Variants in KIF13A observed in about 807,000 individuals in gnomAD.
KIF13A encodes the protein kinesin-like protein KIF13A.
In KIF13A, 79 loss-of-function variants were observed where a neutral mutation model predicts 212.2. The ratio of observed to expected loss-of-function variants is 0.37; its 90% CI spans 0.31 to 0.45. The LOEUF (loss-of-function observed/expected upper bound fraction) is 0.45. Among genes scored for constraint, KIF13A ranks in the 20% least tolerant of loss-of-function variants. KIF13A has a pLI of 1.00. For missense variants in KIF13A, 1,901 were observed against 2,209.0 expected (o/e 0.86, Z 2.79); for synonymous variants, 789 against 808.6 (o/e 0.98, Z 0.41).
In KIF13A at chr6:17,951,275, G is replaced by A; in HGVS notation, c.146+35779C>T. 1 of 598,488 alleles carries A rather than the reference G, an allele frequency of 1.7e-6. No individual in the cohort carries two copies. Among genetic ancestry groups the A allele is most frequent in the Non-Finnish European group, 2.8e-6 (1 of 352,270 alleles). The allele number at this position is 598,488 out of a possible 1,614,324, so 37.1% of individuals were successfully genotyped here. A position where few individuals can be genotyped will look rare whatever the true frequency, so the allele number is the denominator to read the frequency against. ...CCTGAGTAGCTGGGACCACAGGTAT[G>A]CGCCACCACGTCCAGCTAATTTTAA... On this transcript the variant is annotated intron_variant, in intron 2 of 38. Coordinates refer to ENST00000259711, the MANE Select transcript of KIF13A (RefSeq NM_022113.6). This position sits in a 1 kb window ranked among gnomAD's most constrained non-coding sequence, Gnocchi z 4.9.
At chr6:17,972,833 GAAAA>G (rs34095609) in intron 2 of KIF13A, among the ~76,000 whole-genome samples, 2 of 113,326 alleles carry the variant, frequency 1.8e-5, no homozygotes, top group Non-Finnish European at 1.8e-5. Context: ...GAGAGAGTGA[GAAAA>G]AAAAAAAAAA....
At chr6:17,770,061 G>A (rs1561949651) in intron 38 of KIF13A, among the ~76,000 whole-genome samples, 1 of 152,154 alleles carries the variant, frequency 6.6e-6, no homozygotes, top group South Asian at 2.1e-4. Flanking sequence ...GCACGCAGGT[G>A]GGTGGCCAAC....
At chr6:17,784,100 G>A in intron 28 of KIF13A, among the ~76,000 whole-genome samples, 1 of 152,208 alleles carries the variant, frequency 6.6e-6, no homozygotes, top group Admixed American at 6.5e-5. Context: ...GTTGTGTACA[G>A]AAGAGACCAA....
Position 17,771,120 on chromosome 6 carries a change from C to T in KIF13A, c.4575G>A (p.Lys1525=), listed in dbSNP as rs777943369. The stretch of plus-strand genomic sequence containing the variant: ...AAATGGTTCCGGAACTTACAATCTT[C>T]TTCTCACGTTTGCTATTGTGTTCTA... ...MPVEHNSKRE[K]KIDSEEEENE... is the part of the protein sequence containing the mutation. Residue 1525 remains lysine, a synonymous_variant, in exon 38 of 39, where the codon AAG becomes AAA. Transcript: ENST00000259711. The surrounding 1 kb of genome is among the most constrained non-coding windows in gnomAD (Gnocchi z 5.4). The T allele has an allele frequency of 2.5e-6, 4 of 1,607,482 alleles. No individual in the cohort carries two copies. Among genetic ancestry groups the T allele is most frequent in the African/African-American group, 1.3e-5 (1 of 74,816 alleles).
At chr6:17,986,543 T>TG (rs1430153317) in intron 2 of KIF13A, among the ~76,000 whole-genome samples, 2 of 152,262 alleles carry the variant, frequency 1.3e-5, no homozygotes, top group Non-Finnish European at 2.9e-5. Flanking sequence ...AGATACTAAC[T>TG]AGTCCAGCCT....
intron 9 of KIF13A, among the ~76,000 whole-genome samples, chr6:17,840,720 T>C (rs1766425356): frequency 6.6e-6 from 1 of 152,012 alleles, no homozygotes; most frequent in African/African-American, 2.4e-5. Context: ...AAAATCCAAA[T>C]AGCGCTTTGA....
intron 20 of KIF13A, among the ~76,000 whole-genome samples, chr6:17,803,329 A>C (rs1001633174): frequency 1.3e-5 from 2 of 151,906 alleles, no homozygotes; most frequent in African/African-American, 4.8e-5. Context: ...CATTTTTCCC[A>C]TGGGAAAAAG....
Position 17,951,423 on chromosome 6 carries a change from G to T in KIF13A, c.146+35631C>A. ...TGGAATTAGAGATGTGAGCCACTGT[G>T]ACCAGCCTCAATTTAAAAAAAAAAA... On this transcript the variant is annotated intron_variant, in intron 2 of 38. Transcript: ENST00000259711. The surrounding 1 kb of genome is among the most constrained non-coding windows in gnomAD (Gnocchi z 4.9). 1.8e-6 allele frequency: 1 copy of T among 557,226 alleles called. No individual in the cohort carries two copies. Among genetic ancestry groups the T allele is most frequent in the South Asian group, 2.3e-5 (1 of 44,010 alleles). The allele number at this position is 557,226 out of a possible 1,614,324, so 34.5% of individuals were successfully genotyped here. A position where few individuals can be genotyped will look rare whatever the true frequency, so the allele number is the denominator to read the frequency against.
intron 38 of KIF13A, among the ~76,000 whole-genome samples, chr6:17,767,783 A>G (rs1264116354): frequency 6.6e-6 from 1 of 152,252 alleles, no homozygotes; most frequent in Non-Finnish European, 1.5e-5. Flanking sequence ...GAGACCAAGG[A>G]AAGGCCTGTT....
At chr6:17,805,737 TA>T (rs1762881850) in intron 18 of KIF13A, 122 bp from the exon 19 acceptor site, 1 of 839,752 alleles carries the variant, frequency 1.2e-6, no homozygotes, top group East Asian at 2.7e-5. Flanking sequence ...CAAAAGAAGA[TA>T]AAATTCTACC....
chr6:17,761,425 C>T (rs1056310693), downstream of KIF13A, among the ~76,000 whole-genome samples: 9 of 151,962 alleles, frequency 5.9e-5, no homozygotes, highest in Admixed American at 2.6e-4. Context: ...CTCCTGTTGC[C>T]CAGGCTGGAA....
At position 17,963,834 on chromosome 6, in the gene KIF13A, C is replaced by T. The variant is rs1421137609; in HGVS notation, c.146+23220G>A. ...CCTCCCAAAGTGTTGGGATTACGGG[C>T]GTGAGCCACCATGCCTGGCCAATAT... On this transcript the variant is annotated intron_variant, in intron 2 of 38. Transcript: ENST00000259711. This position sits in a 1 kb window ranked among gnomAD's most constrained non-coding sequence, Gnocchi z 4.1. 2.0e-5 allele frequency among the ~76,000 whole-genome samples: 3 copies of T among 152,186 alleles called. No homozygotes were observed. The highest frequency in any genetic ancestry group is 7.2e-5 in the African/African-American group (3 of 41,436).
rs868351550 is a variant in KIF13A, at chr6:17,785,007, T to C, written c.3488+508A>G. On this transcript the variant is annotated intron_variant, in intron 28 of 38. Coordinates refer to ENST00000259711, the MANE Select transcript of KIF13A (RefSeq NM_022113.6). The surrounding 1 kb of genome is among the most constrained non-coding windows in gnomAD (Gnocchi z 5.8). ...TGATTTCTCTTAAATGCCCTGGATA[T>C]GTTATAATAAAAATGAGAATGAGAA... Among the ~76,000 whole-genome samples the C allele has an allele frequency of 2.0e-5, 3 of 152,302 alleles. No homozygotes were observed. The highest frequency in any genetic ancestry group is 4.1e-4 in the South Asian group (2 of 4,832).
At chr6:17,894,692 T>A (rs1772403597) in intron 3 of KIF13A, among the ~76,000 whole-genome samples, 1 of 152,168 alleles carries the variant, frequency 6.6e-6, no homozygotes, top group Non-Finnish European at 1.5e-5. Flanking sequence ...TAACTAAACT[T>A]CACGGTTTAT....
chr6:17,855,326 C>G lies in KIF13A; in HGVS notation c.494+111G>C. 3 of 781,496 alleles carry G rather than the reference C, an allele frequency of 3.8e-6. No individual in the cohort carries two copies. Among genetic ancestry groups the G allele is most frequent in the Non-Finnish European group, 6.0e-6 (3 of 498,292 alleles). The allele number at this position is 781,496 out of a possible 1,614,324, so 48.4% of individuals were successfully genotyped here. A position where few individuals can be genotyped will look rare whatever the true frequency, so the allele number is the denominator to read the frequency against. ...GATTTTTCTGTAAATGAATGAAAAC[C>G]AGTGTAGTCACCAAGAGCTTAAATA... On this transcript the variant is annotated intron_variant, in intron 6 of 38. Transcript: ENST00000259711. The surrounding 1 kb of genome is among the most constrained non-coding windows in gnomAD (Gnocchi z 4.1).
chr6:17,804,599 A>C, intron 19 of KIF13A, 89 bp from the exon 20 acceptor site: 1 of 1,222,904 alleles, frequency 8.2e-7, no homozygotes, highest in Non-Finnish European at 1.1e-6. Context: ...TTTGAAAAAA[A>C]ATTTAAAGAA....
chr6:17,806,233 A>C (rs1359759815), intron 18 of KIF13A, among the ~76,000 whole-genome samples: 1 of 152,162 alleles, frequency 6.6e-6, no homozygotes, highest in Non-Finnish European at 1.5e-5. Flanking sequence ...AGGCCCAGCC[A>C]TAACCATGAT....
At chr6:17,893,355 A>G (rs1350036429) in intron 3 of KIF13A, among the ~76,000 whole-genome samples, 2 of 152,180 alleles carry the variant, frequency 1.3e-5, no homozygotes, top group African/African-American at 4.8e-5. Context: ...TTTTTCACTC[A>G]ATATATCCCA....
At chr6:17,974,591 G>GTT (rs147474037) in intron 2 of KIF13A, among the ~76,000 whole-genome samples, 38 of 151,926 alleles carry the variant, frequency 2.5e-4, no homozygotes, top group African/African-American at 7.7e-4. Context: ...GTAAAATGGA[G>GTT]TTTTTTTTAG....
Sources: allele counts gnomAD v4.1 joint callset (sites outside exome capture counted in the v4.1 genomes callset), GRCh38; gene constraint gnomAD v4.1.1; non-coding constraint Gnocchi (gnomAD v3.1); transcripts MANE v1.5; gene names NCBI Gene and HGNC (gene_info 2026-07-23, HGNC 2026-07-21).